Variants in GEMIN8 observed in about 807,000 individuals in gnomAD.
The protein encoded by GEMIN8 is gem nuclear organelle associated protein 8, also known as gem-associated protein 8.
For synonymous variants in GEMIN8, 80 were observed against 78.5 expected (o/e 1.02, Z -0.10); for missense variants, 185 against 205.9 (o/e 0.90, Z 0.62).
chrX:14,011,146 G>T (rs776554394), intron 4 of GEMIN8, among the ~76,000 whole-genome samples: 2 of 112,067 alleles, frequency 1.8e-5, no homozygotes, highest in Non-Finnish European at 3.8e-5. Flanking sequence ...GGGCATCTCT[G>T]TTTTTCTCCT....
intron 2 of GEMIN8, among the ~76,000 whole-genome samples, chrX:14,024,468 C>T (rs1924563742): frequency 9.1e-6 from 1 of 110,489 alleles, no homozygotes; most frequent in South Asian, 3.9e-4. Flanking sequence ...CACTGCACTC[C>T]AGCCTGAGTG....
At position 14,007,543 on chromosome X, in the gene GEMIN8, T is replaced by C. The variant is rs188564224; in HGVS notation, c.*1370A>G. Among the ~76,000 whole-genome samples, 557 of 105,556 alleles carry C rather than the reference T, an allele frequency of 5.3e-3. 3 individuals carry two copies. Among genetic ancestry groups the C allele is most frequent in the African/African-American group, 0.018 (521 of 29,349 alleles). 91.7% of individuals were successfully genotyped at this position (105,556 alleles called of 115,157 possible). A position where few individuals can be genotyped will look rare whatever the true frequency, so the allele number is the denominator to read the frequency against. ...TGACCAGGTTTGGGAATTATTGTTC[T>C]TTTTTTTTTTTCTTTTGAGATGGAG... On this transcript the variant is annotated 3_prime_UTR_variant, in exon 5 of 5. Transcript: ENST00000680255.
chrX:13,990,103 A>C, the GEMIN8 span, among the ~76,000 whole-genome samples: 4 of 112,710 alleles, frequency 3.5e-5, no homozygotes, highest in Non-Finnish European at 5.6e-5. Context: ...CATTTTAATT[A>C]AGTTAAATTT....
chrX:13,992,476 G>C, the GEMIN8 span, among the ~76,000 whole-genome samples: 1 of 111,694 alleles, frequency 9.0e-6, no homozygotes, highest in Non-Finnish European at 1.9e-5. Flanking sequence ...GTTCTGGGCT[G>C]TTCTGGATCA....
At chrX:13,988,297 G>A in the GEMIN8 span, among the ~76,000 whole-genome samples, 1 of 111,462 alleles carries the variant, frequency 9.0e-6, no homozygotes, top group East Asian at 2.8e-4. Flanking sequence ...GTGGGGAGGA[G>A]TGGCTGGAAG....
Position 14,009,091 on chromosome X carries a change from C to A in GEMIN8, c.551G>T (p.Arg184Leu). The part of the protein sequence containing the change: ...ADHDLYCNTR[R>L]SVEAPTERPG... ...CCTCTCAGTTGGGGCTTCTACCGAC[C>A]GGCGGGTGTTGCAGTACAGGTCGTG... The change falls in exon 5 of 5, where the codon CGG (arginine) becomes CTG (leucine). Residue 184 changes from arginine (R) to leucine (L), a missense_variant. Arg to Leu is a moderately radical substitution (Grantham distance 102, BLOSUM62 -2). Coordinates refer to ENST00000680255, the MANE Select transcript of GEMIN8 (RefSeq NM_001042479.2). 8.3e-7 allele frequency: 1 copy of A among 1,211,763 alleles called. No individual in the cohort carries two copies. Among genetic ancestry groups the A allele is most frequent in the Non-Finnish European group, 1.1e-6 (1 of 895,144 alleles).
chrX:14,005,692 T>C (rs1238622487), downstream of GEMIN8, among the ~76,000 whole-genome samples: 1 of 112,025 alleles, frequency 8.9e-6, no homozygotes, highest in Non-Finnish European at 1.9e-5. Flanking sequence ...CTACTTGTGA[T>C]TGGCATCTGA....
the GEMIN8 span, among the ~76,000 whole-genome samples, chrX:13,994,270 T>C: frequency 9.0e-6 from 1 of 111,546 alleles, no homozygotes; most frequent in Non-Finnish European, 1.9e-5. Context: ...ATTTTCTGCC[T>C]TGCACTGTTC....
the GEMIN8 span, among the ~76,000 whole-genome samples, chrX:13,989,272 T>G: frequency 2.7e-5 from 3 of 110,080 alleles, no homozygotes; most frequent in South Asian, 7.9e-4. Flanking sequence ...AATTTAAATT[T>G]TTTTTTTTTT....
intron 4 of GEMIN8, among the ~76,000 whole-genome samples, 196 bp from the exon 5 acceptor site, chrX:14,009,365 G>T (rs189640136): frequency 1.3e-3 from 148 of 111,562 alleles, no homozygotes; most frequent in Non-Finnish European, 2.4e-3. Context: ...AAGACCTGCA[G>T]ATTATTATCA....
At chrX:13,999,519 G>A in the GEMIN8 span, among the ~76,000 whole-genome samples, 58 of 110,740 alleles carry the variant, frequency 5.2e-4, no homozygotes, top group African/African-American at 1.6e-3. Flanking sequence ...CAGGTAATCC[G>A]CCCGCCTCAG....
At chrX:14,017,228 G>C (rs1923997299) in intron 4 of GEMIN8, among the ~76,000 whole-genome samples, 2 of 110,878 alleles carry the variant, frequency 1.8e-5, no homozygotes, top group Admixed American at 9.7e-5. Context: ...AGTGAGGCTG[G>C]ACCTCTGTGA....
chrX:14,026,525 T>G (rs1299633702), intron 1 of GEMIN8: 2 of 211,976 alleles, frequency 9.4e-6, no homozygotes, highest in African/African-American at 6.1e-5. Context: ...CTGCTCATCC[T>G]GCAGGATCTA....
intron 4 of GEMIN8, among the ~76,000 whole-genome samples, chrX:14,012,758 C>T (rs1923643379): frequency 1.8e-5 from 2 of 111,256 alleles, no homozygotes. Context: ...ACAATAATGA[C>T]AACTCGGGGA....
chrX:13,993,838 G>C, the GEMIN8 span, among the ~76,000 whole-genome samples: 2 of 111,694 alleles, frequency 1.8e-5, no homozygotes, highest in Non-Finnish European at 1.9e-5. Flanking sequence ...CTATAGACCA[G>C]AGCATCACCT....
chrX:14,012,451 T>A (rs1923622847), intron 4 of GEMIN8, among the ~76,000 whole-genome samples: 1 of 111,275 alleles, frequency 9.0e-6, no homozygotes, highest in Non-Finnish European at 1.9e-5. Context: ...GACCCAACCC[T>A]TATCCCCTCC....
At chrX:13,993,655 C>T in the GEMIN8 span, among the ~76,000 whole-genome samples, 1 of 109,789 alleles carries the variant, frequency 9.1e-6, no homozygotes, top group African/African-American at 3.3e-5. Flanking sequence ...AACTCCTGGC[C>T]TCTAGCAATC....
the GEMIN8 span, among the ~76,000 whole-genome samples, chrX:13,986,377 A>T: frequency 8.9e-6 from 1 of 112,567 alleles, no homozygotes; most frequent in Non-Finnish European, 1.9e-5. Context: ...CAGTAGCTCA[A>T]GAAAATGAAG....
the GEMIN8 span, among the ~76,000 whole-genome samples, chrX:13,986,316 G>C: frequency 8.9e-6 from 1 of 112,443 alleles, no homozygotes; most frequent in Non-Finnish European, 1.9e-5. Context: ...TGGTGGCCAT[G>C]TGTATCAGAA....
Sources: allele counts gnomAD v4.1 joint callset (sites outside exome capture counted in the v4.1 genomes callset), GRCh38; gene constraint gnomAD v4.1.1; transcripts MANE v1.5; gene names NCBI Gene and HGNC (gene_info 2026-07-23, HGNC 2026-07-21).